WDR27: variants seen among roughly 807,000 people sequenced by gnomAD.
The protein encoded by WDR27 is WD repeat domain 27, also known as WD repeat-containing protein 27.
WDR27 carries 100 observed loss-of-function variants against 114.4 expected under a neutral mutation model. That is an observed-to-expected ratio of 0.87 (90% CI 0.74 to 1.03). The LOEUF (loss-of-function observed/expected upper bound fraction) is 1.03, where lower values mean the gene tolerates loss of function less well. Among genes scored for constraint, WDR27 ranks in the 50% least tolerant of loss-of-function variants. WDR27 has a pLI of 0.00. For synonymous variants in WDR27, 449 were observed against 423.1 expected, an observed-to-expected ratio of 1.06 and a Z score of -0.75; for missense variants, 1,129 against 1,092.9, an observed-to-expected ratio of 1.03 and a Z score of -0.47.
At chr6:169,594,790 C>T (rs766655853) in intron 23 of WDR27, among the ~76,000 whole-genome samples, 1 of 152,198 alleles carries the variant, frequency 6.6e-6, no homozygotes, top group African/African-American at 2.4e-5. Flanking sequence ...TGGATCACTT[C>T]GGATTAAAGC....
chr6:169,520,563 C>T (rs1794246910), intron 25 of WDR27, among the ~76,000 whole-genome samples: 1 of 152,076 alleles, frequency 6.6e-6, no homozygotes, highest in South Asian at 2.1e-4. Flanking sequence ...GAACCAGTGA[C>T]TGACTCTCAC....
chr6:169,590,338 A>T (rs1436518333), intron 23 of WDR27, among the ~76,000 whole-genome samples: 1 of 152,258 alleles, frequency 6.6e-6, no homozygotes, highest in African/African-American at 2.4e-5. Flanking sequence ...CAACTATCAT[A>T]TTATGCTCAC....
chr6:169,626,191 T>C (rs1042871311), intron 21 of WDR27, among the ~76,000 whole-genome samples: 8 of 152,148 alleles, frequency 5.3e-5, no homozygotes, highest in Admixed American at 3.9e-4. Flanking sequence ...GGACAGCTGC[T>C]GGGGAGCAAC....
intron 12 of WDR27, among the ~76,000 whole-genome samples, chr6:169,658,851 T>A (rs1328214787): frequency 6.6e-6 from 1 of 151,938 alleles, no homozygotes; most frequent in Non-Finnish European, 1.5e-5. Flanking sequence ...GCCTGGCTAA[T>A]TGTTTTTTGT....
intron 25 of WDR27, among the ~76,000 whole-genome samples, chr6:169,487,680 T>A (rs1169236914): frequency 6.6e-6 from 1 of 152,228 alleles, no homozygotes; most frequent in Non-Finnish European, 1.5e-5. Flanking sequence ...TTTAAAAATA[T>A]GGCACTGTAG....
intron 23 of WDR27, among the ~76,000 whole-genome samples, chr6:169,593,514 T>A (rs1353701698): frequency 6.6e-6 from 1 of 152,150 alleles, no homozygotes; most frequent in East Asian, 1.9e-4. Flanking sequence ...ATAAAAAAAA[T>A]TGCACTATTA....
chr6:169,582,787 T>C lies in WDR27; in HGVS notation c.2523+49A>G, dbSNP rs759243282. ...GTCATAAAGATACAAAAATATAATG[T>C]AAGACTTGTATGCAGCAGAGGCGCC... On this transcript the variant is annotated intron_variant, in intron 24 of 25. Coordinates refer to ENST00000448612, the MANE Select transcript of WDR27 (RefSeq NM_182552.5). The C allele has an allele frequency of 2.1e-6, 3 of 1,428,054 alleles. No individual in the cohort carries two copies. The African/African-American group carries it at 4.3e-5, about 20-fold the overall frequency. 88.5% of individuals were successfully genotyped at this position (1,428,054 alleles called of 1,614,324 possible).
At chr6:169,627,168 A>G (rs745417080) in intron 21 of WDR27, among the ~76,000 whole-genome samples, 23 of 152,248 alleles carry the variant, frequency 1.5e-4, no homozygotes, top group Admixed American at 2.6e-4. Context: ...TTTAGAAACA[A>G]TGTTCATTAC....
At chr6:169,471,599 A>C (rs1301100579) in intron 25 of WDR27, among the ~76,000 whole-genome samples, 2 of 152,170 alleles carry the variant, frequency 1.3e-5, no homozygotes, top group Non-Finnish European at 2.9e-5. Context: ...ATAGAAAAGA[A>C]CCACAGTGGT....
At position 169,636,452 on chromosome 6, in the gene WDR27, T is replaced by C. The variant is rs1436406698; in HGVS notation, c.1922A>G (p.Asp641Gly). The C allele has an allele frequency of 1.2e-6, 2 of 1,613,880 alleles. No homozygotes were observed. The highest frequency in any genetic ancestry group is 8.5e-7 in the Non-Finnish European group (1 of 1,179,802). Reference protein sequence around the residue: ...PIQSAQFYYIDAFILLSSGPE... With the variant: ...PIQSAQFYYIGAFILLSSGPE... ...GCCAGAAGATAACAATATAAAGGCATCTATATAATAGAACTGTGCAGACTG... is the reference window on the plus strand; with the variant it reads ...GCCAGAAGATAACAATATAAAGGCACCTATATAATAGAACTGTGCAGACTG... The change falls in exon 19 of 26, where the codon GAT (aspartate) becomes GGT (glycine). Residue 641 changes from aspartate to glycine, a missense_variant. Asp to Gly is a moderately conservative substitution (Grantham distance 94). Coordinates refer to ENST00000448612, the MANE Select transcript of WDR27 (RefSeq NM_182552.5).
chr6:169,468,049 T>C (rs890664772), intron 25 of WDR27, among the ~76,000 whole-genome samples: 1 of 152,338 alleles, frequency 6.6e-6, no homozygotes, highest in Admixed American at 6.5e-5. Context: ...TAAAGTTCCA[T>C]AGATCTCTAG....
chr6:169,461,213 G>A lies in WDR27; in HGVS notation c.2646-3579C>T, dbSNP rs547308241. ...ATACTCCTCTTCTAATAATGGATAG[G>A]ACAACCAGACAGAACATAGGTAAGG... On this transcript the variant is annotated intron_variant, in intron 25 of 25. Transcript: ENST00000448612. 2.0e-5 allele frequency among the ~76,000 whole-genome samples: 3 copies of A among 152,146 alleles called. No individual in the cohort carries two copies. The South Asian group carries it at 6.2e-4, about 32-fold the overall frequency.
chr6:169,476,661 T>C (rs1360065955), intron 25 of WDR27, among the ~76,000 whole-genome samples: 1 of 152,032 alleles, frequency 6.6e-6, no homozygotes, highest in Non-Finnish European at 1.5e-5. Context: ...TTTAAAATTT[T>C]CCCCATGGCT....
chr6:169,676,487 G>A (rs1780098163), intron 2 of WDR27, among the ~76,000 whole-genome samples: 1 of 152,128 alleles, frequency 6.6e-6, no homozygotes, highest in South Asian at 2.1e-4. Context: ...GTCTCTTGTG[G>A]GGAAAATCTA....
rs564459735 is a variant in WDR27 at position 169,533,284 on chromosome 6, GC to G, written c.2645+39134del. 5.9e-3 allele frequency among the ~76,000 whole-genome samples: 887 copies of G among 150,840 alleles called. 9 individuals are homozygous for G. Among genetic ancestry groups the G allele is most frequent in the African/African-American group, 0.02 (828 of 41,052 alleles). On this transcript the variant is annotated intron_variant, in intron 25 of 25. Coordinates refer to ENST00000448612, the MANE Select transcript of WDR27 (RefSeq NM_182552.5). The stretch of plus-strand genomic sequence containing the variant: ...CAGCCCACATGGGTTGGAGTAAATG[GC>G]TTTGCAGGAAAATTGGGGGGGGCGG...
At chr6:169,542,386 C>T (rs150227927) in intron 25 of WDR27, among the ~76,000 whole-genome samples, 69 of 151,694 alleles carry the variant, frequency 4.5e-4, no homozygotes, top group African/African-American at 1.6e-3. Context: ...CATTCCTGAC[C>T]AAAAAAATAT....
chr6:169,572,127 ATAGTG>A (rs1801524152), intron 25 of WDR27, among the ~76,000 whole-genome samples: 1 of 152,226 alleles, frequency 6.6e-6, no homozygotes, highest in African/African-American at 2.4e-5. Context: ...GAGGAAACAT[ATAGTG>A]TAAATACAAA....
downstream of WDR27, among the ~76,000 whole-genome samples, chr6:169,453,028 A>G (rs894412643): frequency 9.9e-5 from 15 of 152,250 alleles, no homozygotes; most frequent in Non-Finnish European, 2.1e-4. Context: ...CACTGGCTTC[A>G]GAGTGGCTGC....
At chr6:169,698,124 A>C (rs1786748417) in intron 1 of WDR27, among the ~76,000 whole-genome samples, 1 of 152,216 alleles carries the variant, frequency 6.6e-6, no homozygotes, top group Non-Finnish European at 1.5e-5. Context: ...AGCCACCTTG[A>C]CGAGGAAGCA....
Sources: allele counts gnomAD v4.1 joint callset (sites outside exome capture counted in the v4.1 genomes callset), GRCh38; gene constraint gnomAD v4.1.1; transcripts MANE v1.5; gene names NCBI Gene and HGNC (gene_info 2026-07-23, HGNC 2026-07-21).